Variants in CSMD3 observed in about 807,000 individuals in gnomAD.
The protein encoded by CSMD3 is CUB and Sushi multiple domains 3, also known as CUB and sushi domain-containing protein 3.
Under a neutral mutation model 435.2 loss-of-function variants are expected in CSMD3, and 177 were observed. The observed-to-expected ratio is 0.41, with a 90% CI of 0.36 to 0.46. CSMD3 has a LOEUF of 0.46. CSMD3 is among the 20% of genes least tolerant of loss of function. The pLI, the probability that CSMD3 is intolerant of heterozygous loss-of-function variation, is 0.34. For synonymous variants in CSMD3, 1,656 were observed against 1,520.5 expected (o/e 1.09, Z -2.07); for missense variants, 4,265 against 4,504.6 (o/e 0.95, Z 1.52).
intron 1 of CSMD3, among the ~76,000 whole-genome samples, chr8:113,332,978 T>C (rs1459103780): frequency 6.6e-6 from 1 of 151,766 alleles, no homozygotes; most frequent in Non-Finnish European, 1.5e-5. Flanking sequence ...GTTTTACATA[T>C]ATAGACATTT....
chr8:112,602,546 A>G (rs1832443257), intron 22 of CSMD3, among the ~76,000 whole-genome samples: 1 of 146,548 alleles, frequency 6.8e-6, no homozygotes, highest in Non-Finnish European at 1.5e-5. Context: ...AGCCTGGGCA[A>G]CAAGAGCAAA....
At chr8:112,252,264 T>G (rs998161893) in intron 63 of CSMD3, among the ~76,000 whole-genome samples, 2 of 151,980 alleles carry the variant, frequency 1.3e-5, no homozygotes, top group African/African-American at 4.8e-5. Context: ...AATCTGGAAT[T>G]GAGATTGAGA....
At chr8:112,397,139 A>G (rs1830922072) in intron 35 of CSMD3, among the ~76,000 whole-genome samples, 1 of 152,218 alleles carries the variant, frequency 6.6e-6, no homozygotes, top group Non-Finnish European at 1.5e-5. Flanking sequence ...TTTATTCAGA[A>G]CATTTTGAAG....
At chr8:112,741,783 T>C (rs1357846295) in intron 13 of CSMD3, among the ~76,000 whole-genome samples, 1 of 126,590 alleles carries the variant, frequency 7.9e-6, no homozygotes, top group Admixed American at 7.8e-5. Flanking sequence ...GATAGATAGA[T>C]AGATAGAGAG....
At chr8:112,975,069 T>A (rs2130927327) in intron 7 of CSMD3, among the ~76,000 whole-genome samples, 1 of 152,070 alleles carries the variant, frequency 6.6e-6, no homozygotes, top group Non-Finnish European at 1.5e-5. Context: ...AACTTCTCTA[T>A]GACACTTGCC....
chr8:112,650,311 T>C lies in CSMD3; in HGVS notation c.3043A>G (p.Ile1015Val). Residue 1015 changes from isoleucine to valine, a missense_variant, in exon 19 of 71, where the codon ATA becomes GTA. Around this residue, in one of 3 missense-constraint regions of CSMD3, gnomAD observed 3,255 missense variants for 3,380.2 expected, o/e 0.96. Coordinates refer to ENST00000297405, the MANE Select transcript of CSMD3 (RefSeq NM_198123.2). ...VNTYSCLDPG[I>V]PVHGRRYGHD... ...CCATAGCGACGGCCATGTACAGGTA[T>C]GCCAGGGTCCAAACAAGAATACGTG... The C allele has an allele frequency of 6.2e-7, 1 of 1,613,924 alleles. No individual in the cohort carries two copies. Among genetic ancestry groups the C allele is most frequent in the Non-Finnish European group, 8.5e-7 (1 of 1,179,906 alleles).
intron 5 of CSMD3, among the ~76,000 whole-genome samples, chr8:113,070,871 C>T (rs1461689213): frequency 1.3e-5 from 2 of 151,964 alleles, no homozygotes. Flanking sequence ...AGTAATTCTA[C>T]TTACAATTTT....
At chr8:112,298,256 T>C (rs1820536611) in intron 53 of CSMD3, among the ~76,000 whole-genome samples, 1 of 152,004 alleles carries the variant, frequency 6.6e-6, no homozygotes, top group Non-Finnish European at 1.5e-5. Flanking sequence ...AGTGTTATGG[T>C]ATCCAAAGTG....
intron 4 of CSMD3, among the ~76,000 whole-genome samples, chr8:113,168,921 A>T (rs998201543): frequency 4.6e-5 from 7 of 152,150 alleles, no homozygotes; most frequent in Non-Finnish European, 8.8e-5. Context: ...TAATTTCCAG[A>T]TACAGAGCAG....
At chr8:112,879,282 A>G (rs774400227) in intron 10 of CSMD3, among the ~76,000 whole-genome samples, 13 of 152,118 alleles carry the variant, frequency 8.5e-5, no homozygotes, top group Non-Finnish European at 1.8e-4. Context: ...CAGATAAGAG[A>G]TGAAACATGC....
intron 56 of CSMD3, 93 bp from the exon 57 acceptor site, chr8:112,289,631 G>A (rs2130659678): frequency 3.6e-6 from 3 of 840,882 alleles, no homozygotes; most frequent in African/African-American, 1.7e-5. Flanking sequence ...AGAAGTAAAT[G>A]TTCTGCTGAA....
chr8:112,367,630 C>T (rs1038814108), intron 38 of CSMD3, among the ~76,000 whole-genome samples: 3 of 152,192 alleles, frequency 2.0e-5, no homozygotes, highest in African/African-American at 2.4e-5. Context: ...TACACAACCA[C>T]AACTACTGCC....
chr8:112,945,453 G>T (rs1291232978), intron 9 of CSMD3, among the ~76,000 whole-genome samples: 1 of 151,704 alleles, frequency 6.6e-6, no homozygotes, highest in Non-Finnish European at 1.5e-5. Context: ...GAGTAAAGTA[G>T]CCTATGGGTA....
chr8:113,209,023 C>T (rs1308301492), intron 3 of CSMD3, among the ~76,000 whole-genome samples: 2 of 152,060 alleles, frequency 1.3e-5, no homozygotes, highest in African/African-American at 2.4e-5. Flanking sequence ...CATGAATAAG[C>T]ATCTACCATA....
chr8:112,471,451 T>C (rs979922649), intron 32 of CSMD3, among the ~76,000 whole-genome samples: 2 of 152,132 alleles, frequency 1.3e-5, no homozygotes, highest in Non-Finnish European at 2.9e-5. Flanking sequence ...AACCGATCAA[T>C]ATGTTAGGGG....
intron 27 of CSMD3, among the ~76,000 whole-genome samples, chr8:112,547,404 A>G (rs141215098): frequency 0.012 from 1,784 of 152,088 alleles, 41 homozygotes; most frequent in African/African-American, 0.04. Flanking sequence ...AATAAAAATT[A>G]GTGAAGTGTG....
chr8:112,377,033 A>G (rs1441203144), intron 38 of CSMD3, among the ~76,000 whole-genome samples: 2 of 152,120 alleles, frequency 1.3e-5, no homozygotes, highest in East Asian at 1.9e-4. Context: ...TATTTTTATG[A>G]TGAAAAGTTT....
At chr8:112,425,981 T>C (rs1242319002) in intron 32 of CSMD3, among the ~76,000 whole-genome samples, 1 of 152,144 alleles carries the variant, frequency 6.6e-6, no homozygotes, top group East Asian at 1.9e-4. Flanking sequence ...AAACAAAAAA[T>C]ACAAGTGGTT....
At chr8:112,817,747 A>T (rs1447074765) in intron 12 of CSMD3, among the ~76,000 whole-genome samples, 1 of 152,074 alleles carries the variant, frequency 6.6e-6, no homozygotes, top group African/African-American at 2.4e-5. Context: ...GATGCAATAA[A>T]TCTCTGAATT....
Sources: allele counts gnomAD v4.1 joint callset (sites outside exome capture counted in the v4.1 genomes callset), GRCh38; gene constraint gnomAD v4.1.1; regional missense constraint gnomAD v4.1.1; transcripts MANE v1.5; gene names NCBI Gene and HGNC (gene_info 2026-07-23, HGNC 2026-07-21).